CCDC148: variants seen among roughly 807,000 people sequenced by gnomAD.
CCDC148 encodes coiled-coil domain containing 148, also known as coiled-coil domain-containing protein 148.
CCDC148 carries 89 observed loss-of-function variants against 85.7 expected under a neutral mutation model. The observed-to-expected ratio is 1.04, with a 90% CI of 0.87 to 1.24. The LOEUF (loss-of-function observed/expected upper bound fraction) is 1.24. Among genes scored for constraint, CCDC148 ranks in the 50% most tolerant of loss-of-function variants. CCDC148 has a pLI of 0.00. For missense variants in CCDC148, 692 were observed against 671.7 expected (o/e 1.03, Z -0.33); for synonymous variants, 230 against 213.9 (o/e 1.08, Z -0.66).
At chr2:158,220,536 C>G (rs562678397) in intron 11 of CCDC148, 59 bp downstream of exon 11, 1 of 1,153,928 alleles carries the variant, frequency 8.7e-7, no homozygotes, top group Non-Finnish European at 1.3e-6. Context: ...TATTCTAACA[C>G]TTTACAAAAG....
intron 9 of CCDC148, among the ~76,000 whole-genome samples, chr2:158,303,469 T>C (rs1386486322): frequency 6.6e-6 from 1 of 152,168 alleles, no homozygotes; most frequent in African/African-American, 2.4e-5. Context: ...CAGGGATAAA[T>C]TGCCAAGTTT....
intron 9 of CCDC148, among the ~76,000 whole-genome samples, chr2:158,291,221 G>A (rs1035594807): frequency 2.6e-5 from 4 of 152,120 alleles, no homozygotes; most frequent in Admixed American, 2.0e-4. Context: ...CCGAGTGGCT[G>A]GTATTACAGG....
chr2:158,270,560 C>A (rs901543362), intron 9 of CCDC148, among the ~76,000 whole-genome samples: 4 of 152,150 alleles, frequency 2.6e-5, no homozygotes, highest in African/African-American at 9.7e-5. Context: ...ATAGGTAAAC[C>A]TGGGATCTTG....
At chr2:158,362,292 G>T (rs1683987565) in intron 1 of CCDC148, among the ~76,000 whole-genome samples, 1 of 152,072 alleles carries the variant, frequency 6.6e-6, no homozygotes, top group Non-Finnish European at 1.5e-5. Context: ...GGATATTCAG[G>T]ACTTGAACTC....
At chr2:158,241,406 C>T (rs1460902786) in intron 10 of CCDC148, among the ~76,000 whole-genome samples, 4 of 152,080 alleles carry the variant, frequency 2.6e-5, no homozygotes, top group Admixed American at 2.6e-4. Context: ...TAAGAGCTCC[C>T]ATTGACCTAA....
intron 1 of CCDC148, among the ~76,000 whole-genome samples, chr2:158,456,064 A>G (rs922218579): frequency 1.3e-5 from 2 of 152,226 alleles, no homozygotes; most frequent in Non-Finnish European, 2.9e-5. Flanking sequence ...GTGAAAGAAC[A>G]TGCACCTGTC....
intron 2 of CCDC148, among the ~76,000 whole-genome samples, chr2:158,348,524 T>C (rs909648174): frequency 6.6e-6 from 1 of 151,996 alleles, no homozygotes; most frequent in African/African-American, 2.4e-5. Flanking sequence ...ATCAGGGAAA[T>C]TTAACACTAT....
intron 13 of CCDC148, among the ~76,000 whole-genome samples, chr2:158,174,808 A>G (rs1684495130): frequency 6.6e-6 from 1 of 152,112 alleles, no homozygotes; most frequent in African/African-American, 2.4e-5. Flanking sequence ...TATGATGTTA[A>G]GACACTACTA....
intron 1 of CCDC148, among the ~76,000 whole-genome samples, chr2:158,360,260 T>G (rs1683873849): frequency 6.6e-6 from 1 of 152,134 alleles, no homozygotes; most frequent in Admixed American, 6.5e-5. Flanking sequence ...TTCAGCAAAC[T>G]TAGACGTCCC....
rs1688747959 is a variant in CCDC148 at position 158,456,468 on chromosome 2, G to A, written c.-29C>T. On this transcript the variant is annotated 5_prime_UTR_variant, in exon 1 of 14. Coordinates refer to ENST00000283233, the MANE Select transcript of CCDC148 (RefSeq NM_138803.4). ...AAAGGTCAAAGGGCATAGCCTCAGG[G>A]ACTCCCCAAACGCAGGAAAAGTGAA... 1.2e-6 allele frequency: 2 copies of A among 1,606,938 alleles called. No homozygotes were observed. Among genetic ancestry groups the A allele is most frequent in the East Asian group, 2.2e-5 (1 of 44,758 alleles).
At chr2:158,328,278 C>A (rs997758323) in intron 7 of CCDC148, among the ~76,000 whole-genome samples, 1 of 151,886 alleles carries the variant, frequency 6.6e-6, no homozygotes, top group Non-Finnish European at 1.5e-5. Context: ...TTTTTTTGTC[C>A]TTGCAATAGT....
intron 1 of CCDC148, among the ~76,000 whole-genome samples, chr2:158,375,853 T>G (rs1411984513): frequency 3.3e-5 from 5 of 152,126 alleles, no homozygotes; most frequent in African/African-American, 4.8e-5. Context: ...GATGAAAGAT[T>G]CATACTAACT....
intron 2 of CCDC148, among the ~76,000 whole-genome samples, chr2:158,352,463 AG>A (rs1231425146): frequency 1.2e-4 from 18 of 152,214 alleles, no homozygotes; most frequent in African/African-American, 3.6e-4. Context: ...ATCAGCTGGA[AG>A]AAAGGGTATC....
chr2:158,271,870 C>T (rs1217451355), intron 9 of CCDC148, among the ~76,000 whole-genome samples: 2 of 152,044 alleles, frequency 1.3e-5, no homozygotes, highest in Non-Finnish European at 2.9e-5. Flanking sequence ...AAACAACATG[C>T]CTTAAAACCA....
chr2:158,323,228 C>G (rs955979734), intron 7 of CCDC148, among the ~76,000 whole-genome samples: 1 of 152,238 alleles, frequency 6.6e-6, no homozygotes, highest in Middle Eastern at 3.4e-3. Flanking sequence ...AGCCCCTAGC[C>G]ACATGTGGCT....
chr2:158,384,981 A>G (rs2105291554), intron 1 of CCDC148, among the ~76,000 whole-genome samples: 1 of 152,258 alleles, frequency 6.6e-6, no homozygotes, highest in Middle Eastern at 3.4e-3. Context: ...ATTGTCAGTC[A>G]AATTCAGTTA....
chr2:158,423,636 C>T (rs1206371870), intron 1 of CCDC148, among the ~76,000 whole-genome samples: 1 of 152,078 alleles, frequency 6.6e-6, no homozygotes, highest in Non-Finnish European at 1.5e-5. Context: ...TAGGCAATAC[C>T]ATTCAGGACA....
At chr2:158,318,048 A>T (rs1048842730) in intron 7 of CCDC148, among the ~76,000 whole-genome samples, 3 of 152,142 alleles carry the variant, frequency 2.0e-5, no homozygotes, top group Non-Finnish European at 2.9e-5. Context: ...TGTAATATAC[A>T]ACTTGACTTC....
intron 10 of CCDC148, among the ~76,000 whole-genome samples, chr2:158,228,251 C>A (rs1037947512): frequency 6.6e-6 from 1 of 152,166 alleles, no homozygotes; most frequent in Non-Finnish European, 1.5e-5. Context: ...ATCAAAACCA[C>A]AATGAGATAC....
Sources: allele counts gnomAD v4.1 joint callset (sites outside exome capture counted in the v4.1 genomes callset), GRCh38; gene constraint gnomAD v4.1.1; transcripts MANE v1.5; gene names NCBI Gene and HGNC (gene_info 2026-07-23, HGNC 2026-07-21).